The following REEP5 variants were observed in gnomAD, a reference collection of about 807,000 sequenced individuals.
REEP5 encodes the protein receptor expression-enhancing protein 5.
REEP5 carries 24 observed loss-of-function variants against 22.4 expected under a neutral mutation model. That is an observed-to-expected ratio of 1.07 (90% CI 0.78 to 1.51). REEP5 has a LOEUF of 1.51. Among genes scored for constraint, REEP5 ranks in the 40% most tolerant of loss-of-function variants. The probability of loss-of-function intolerance (pLI) is 0.00; values close to 1 mark genes in which losing one functional copy is unlikely to be tolerated. For synonymous variants in REEP5, 103 were observed against 88.6 expected (o/e 1.16, Z -0.92); for missense variants, 252 against 233.0 (o/e 1.08, Z -0.53).
rs769972536 is a variant in REEP5, at chr5:112,892,573, T to C, written c.352-5390A>G. Reference sequence around the variant, plus strand: ...ATGTGAATTCTGCCCAGTGACCCGGTGGAAAATGGCGATTTGTGGTTTATT... The same window carrying C: ...ATGTGAATTCTGCCCAGTGACCCGGCGGAAAATGGCGATTTGTGGTTTATT... On this transcript the variant is annotated intron_variant, in intron 3 of 4. Transcript: ENST00000379638. 3 of 1,614,054 alleles carry C rather than the reference T, an allele frequency of 1.9e-6. No individual in the cohort carries two copies. The South Asian group carries it at 3.3e-5, about 18-fold the overall frequency.
chr5:112,894,114 GGTTTTTTTT>G (rs1392577887), intron 3 of REEP5: 1 of 132,988 alleles, frequency 7.5e-6, no homozygotes, highest in African/African-American at 3.5e-5. Flanking sequence ...TTGTTTTTTT[GGTTTTTTTT>G]GTTTTTTTTT....
chr5:112,911,570 T>C (rs2150047053), intron 2 of REEP5, among the ~76,000 whole-genome samples: 1 of 152,334 alleles, frequency 6.6e-6, no homozygotes, highest in South Asian at 2.1e-4. Flanking sequence ...CTTTTACAAG[T>C]TCTTAATTCA....
intron 2 of REEP5, among the ~76,000 whole-genome samples, chr5:112,907,672 C>A (rs1043070873): frequency 6.6e-6 from 1 of 151,976 alleles, no homozygotes; most frequent in Non-Finnish European, 1.5e-5. Context: ...TTTATATAGA[C>A]AAAATGAAAT....
chr5:112,890,379 T>C (rs1347099807), intron 3 of REEP5, among the ~76,000 whole-genome samples: 2 of 150,320 alleles, frequency 1.3e-5, no homozygotes, highest in East Asian at 4.0e-4. Flanking sequence ...CTTTTTTTTT[T>C]TTTAAATAAA....
chr5:112,905,495 T>G (rs1768934719), intron 2 of REEP5, among the ~76,000 whole-genome samples: 2 of 149,614 alleles, frequency 1.3e-5, no homozygotes, highest in South Asian at 4.2e-4. Flanking sequence ...GAGCCGAGAT[T>G]CCACCACTGC....
At chr5:112,878,856 A>T (rs1423494292) in intron 4 of REEP5, 21 bp from the exon 5 acceptor site, 7 of 1,613,814 alleles carry the variant, frequency 4.3e-6, no homozygotes, top group Non-Finnish European at 3.4e-6. Flanking sequence ...GTTAGGAGGG[A>T]AAGAAAAATA....
chr5:112,921,119 G>T, intron 2 of REEP5, 44 bp downstream of exon 2: 1 of 1,576,940 alleles, frequency 6.3e-7, no homozygotes, highest in Non-Finnish European at 8.7e-7. Flanking sequence ...CTGCGGGGAG[G>T]AATGGAGGAA....
intron 3 of REEP5, chr5:112,892,583 C>G (rs1449511466): frequency 6.2e-7 from 1 of 1,613,940 alleles, no homozygotes; most frequent in African/African-American, 1.3e-5. Flanking sequence ...TGGAAAATGG[C>G]GATTTGTGGT....
At chr5:112,892,549 T>C in intron 3 of REEP5, 1 of 1,614,186 alleles carries the variant, frequency 6.2e-7, no homozygotes, top group Non-Finnish European at 8.5e-7. Context: ...ACAGCTGCAA[T>C]GTGAATTCTG....
At chr5:112,891,889 G>A (rs1218897575) in intron 3 of REEP5, 2 of 1,372,122 alleles carry the variant, frequency 1.5e-6, no homozygotes, top group Admixed American at 1.7e-5. Flanking sequence ...GTTGCTGAGG[G>A]AGCAGAAGGC....
At chr5:112,921,513 A>T in intron 1 of REEP5, 1 of 521,816 alleles carries the variant, frequency 1.9e-6, no homozygotes, top group South Asian at 2.2e-5. Flanking sequence ...TTGCGCAGCA[A>T]CCCCCGGCGC....
intron 4 of REEP5, among the ~76,000 whole-genome samples, chr5:112,879,604 G>T (rs944109118): frequency 6.6e-6 from 1 of 152,070 alleles, no homozygotes; most frequent in African/African-American, 2.4e-5. Flanking sequence ...CTCCCGAGTA[G>T]CTGGGACTAC....
chr5:112,912,136 C>A (rs192938965), intron 2 of REEP5, among the ~76,000 whole-genome samples: 105 of 152,260 alleles, frequency 6.9e-4, no homozygotes, highest in African/African-American at 2.5e-3. Context: ...ACCCTATCCC[C>A]ACCTTTTACA....
At chr5:112,890,076 A>G (rs1368118835) in intron 3 of REEP5, among the ~76,000 whole-genome samples, 1 of 149,926 alleles carries the variant, frequency 6.7e-6, no homozygotes, top group Admixed American at 6.7e-5. Context: ...ATCCACCCCC[A>G]TCGGCCTCCC....
chr5:112,880,640 TTCC>T (rs1363741268), intron 4 of REEP5, among the ~76,000 whole-genome samples: 1 of 152,236 alleles, frequency 6.6e-6, no homozygotes, highest in Admixed American at 6.5e-5. Flanking sequence ...AGCATGTAAA[TTCC>T]TCCTAACTTA....
chr5:112,891,509 T>G (rs1768446824), intron 3 of REEP5: 2 of 1,282,384 alleles, frequency 1.6e-6, no homozygotes, highest in African/African-American at 3.0e-5. Context: ...TATATAAGTA[T>G]GCAAACAAAA....
chr5:112,897,668 G>A (rs1410650756), intron 3 of REEP5: 2 of 152,180 alleles, frequency 1.3e-5, no homozygotes, highest in Non-Finnish European at 2.9e-5. Flanking sequence ...TTGATGCCAA[G>A]CCATTGGCTC....
intron 4 of REEP5, among the ~76,000 whole-genome samples, chr5:112,886,522 AG>A (rs1488364753): frequency 6.6e-6 from 1 of 152,178 alleles, no homozygotes; most frequent in African/African-American, 2.4e-5. Context: ...CACATACCTG[AG>A]GGGGCTCTTT....
Position 112,878,176 on chromosome 5 carries a change from A to G in REEP5, c.*610T>C, listed in dbSNP as rs192158811. 2.6e-5 allele frequency: 4 copies of G among 152,746 alleles called. No homozygotes were observed. The East Asian group carries it at 7.7e-4, about 29-fold the overall frequency. The allele number at this position is 152,746 out of a possible 1,614,324, so 9.5% of individuals were successfully genotyped here. A position where few individuals can be genotyped will look rare whatever the true frequency, so the allele number is the denominator to read the frequency against. On this transcript the variant is annotated 3_prime_UTR_variant, in exon 5 of 5. Transcript: ENST00000379638. ...TTGTTCACTTGCATATTAATCACGT[A>G]TTTCCTAAAGTATTATTTAGTAGAC...
Sources: allele counts gnomAD v4.1 joint callset (sites outside exome capture counted in the v4.1 genomes callset), GRCh38; gene constraint gnomAD v4.1.1; transcripts MANE v1.5; gene names NCBI Gene and HGNC (gene_info 2026-07-23, HGNC 2026-07-21).